The following ATP2B4 variants were observed in gnomAD, a reference collection of about 807,000 sequenced individuals.
The protein encoded by ATP2B4 is ATPase plasma membrane Ca2+ transporting 4.
ATP2B4 carries 39 observed loss-of-function variants against 110.3 expected under a neutral mutation model. The ratio of observed to expected loss-of-function variants is 0.35; its 90% CI spans 0.27 to 0.46. The LOEUF (loss-of-function observed/expected upper bound fraction) is 0.46. Among genes scored for constraint, ATP2B4 ranks in the 20% least tolerant of loss-of-function variants. The probability of loss-of-function intolerance (pLI) is 1.00; values close to 1 mark genes in which losing one functional copy is unlikely to be tolerated. For synonymous variants in ATP2B4, 538 were observed against 571.7 expected (o/e 0.94, Z 0.84); for missense variants, 1,135 against 1,530.9 (o/e 0.74, Z 4.32).
chr1:203,681,933 T>A (rs374006102), intron 1 of ATP2B4, among the ~76,000 whole-genome samples: 6 of 147,008 alleles, frequency 4.1e-5, no homozygotes, highest in Non-Finnish European at 3.0e-5. Context: ...TCCCCTTTAC[T>A]AGAAAAAAAA....
At chr1:203,669,424 G>T (rs4951334) in intron 1 of ATP2B4, among the ~76,000 whole-genome samples, 147,465 of 152,040 alleles carry the variant, frequency 0.97, 71,686 homozygotes, top group Middle Eastern at 1. Flanking sequence ...GACTTTTTTT[G>T]GTTGTTGTTT....
rs374052416 is a variant in ATP2B4, at chr1:203,707,963, G to T, written c.1416G>T (p.Met472Ile). The T allele has an allele frequency of 9.9e-6, 16 of 1,614,060 alleles. No homozygotes were observed. Among genetic ancestry groups the T allele is most frequent in the Non-Finnish European group, 1.4e-5 (16 of 1,180,042 alleles). ...CTGATAAGACAGGCACGTTGACCAT[G>T]AACCGCATGACTGTGGTACAAGCTT... ...ICSDKTGTLT[M>I]NRMTVVQAYI... The change falls in exon 10 of 21, where the codon ATG becomes ATT. Residue 472 changes from methionine (M) to isoleucine (I), a missense_variant. Coordinates refer to ENST00000357681, the MANE Select transcript of ATP2B4 (RefSeq NM_001684.5).
intron 1 of ATP2B4, among the ~76,000 whole-genome samples, chr1:203,678,158 C>T (rs765628576): frequency 6.6e-5 from 10 of 152,164 alleles, no homozygotes; most frequent in Non-Finnish European, 1.0e-4. Flanking sequence ...CATTTAGTAG[C>T]GGGGAGACTC....
chr1:203,705,485 A>G (rs1028067820), intron 8 of ATP2B4, among the ~76,000 whole-genome samples: 10 of 152,096 alleles, frequency 6.6e-5, no homozygotes, highest in Non-Finnish European at 1.3e-4. Flanking sequence ...TGCAACCTCC[A>G]CCTCCGGGGT....
At chr1:203,724,630 G>A (rs1056455853) in intron 19 of ATP2B4, among the ~76,000 whole-genome samples, 4 of 152,080 alleles carry the variant, frequency 2.6e-5, no homozygotes, top group African/African-American at 9.7e-5. Flanking sequence ...AAGTAGAAGA[G>A]TTTACAAGAC....
chr1:203,634,612 G>A (rs752052585), intron 1 of ATP2B4, among the ~76,000 whole-genome samples: 14 of 152,162 alleles, frequency 9.2e-5, no homozygotes, highest in Non-Finnish European at 7.3e-5. Flanking sequence ...AGTTTGGGCT[G>A]CTAAAACAAC....
intron 18 of ATP2B4, among the ~76,000 whole-genome samples, chr1:203,723,426 C>T (rs1433467425): frequency 1.8e-5 from 2 of 114,054 alleles, no homozygotes; most frequent in African/African-American, 3.5e-5. Flanking sequence ...AGATATCTCT[C>T]TCTCTCTCTC....
At position 203,683,266 on chromosome 1, in the gene ATP2B4, G is replaced by A. The variant is rs1030977850; in HGVS notation, c.61G>A (p.Asp21Asn). ...CTCGATGGCCGAGAGCCGTGAAGGGGACTTTGGCTGCACAGTAATGGAACT... is the reference window on the plus strand; with the variant it reads ...CTCGATGGCCGAGAGCCGTGAAGGGAACTTTGGCTGCACAGTAATGGAACT... ...ANSMAESREG[D>N]FGCTVMELRK... The change falls in exon 2 of 21, where the codon GAC becomes AAC. Residue 21 changes from aspartate to asparagine, a missense_variant. By Grantham distance (23) the Asp-to-Asn change is conservative. This residue lies in a region of ATP2B4 where 122 missense variants were observed against 125.2 expected (regional missense o/e 0.97). Coordinates refer to ENST00000357681, the MANE Select transcript of ATP2B4 (RefSeq NM_001684.5). 8.7e-6 allele frequency: 14 copies of A among 1,614,196 alleles called. No homozygotes were observed. Among genetic ancestry groups the A allele is most frequent in the Non-Finnish European group, 1.2e-5 (14 of 1,180,042 alleles).
At chr1:203,682,575 T>C (rs2102360954) in intron 1 of ATP2B4, among the ~76,000 whole-genome samples, 167 bp from the exon 2 acceptor site, 1 of 129,538 alleles carries the variant, frequency 7.7e-6, no homozygotes, top group South Asian at 2.8e-4. Flanking sequence ...AACGGGCCTC[T>C]CTTGAGTCAG....
At chr1:203,667,011 G>A (rs993710336) in intron 1 of ATP2B4, among the ~76,000 whole-genome samples, 3 of 152,122 alleles carry the variant, frequency 2.0e-5, no homozygotes, top group Non-Finnish European at 4.4e-5. Flanking sequence ...GAGTACAGTG[G>A]TGCCATCTCC....
intron 3 of ATP2B4, 98 bp from the exon 4 acceptor site, chr1:203,699,362 C>T: frequency 6.6e-7 from 1 of 1,510,550 alleles, no homozygotes; most frequent in Non-Finnish European, 9.0e-7. Context: ...TTCACTTTTC[C>T]TGACTTTCTA....
intron 19 of ATP2B4, among the ~76,000 whole-genome samples, chr1:203,727,170 T>G: frequency 6.6e-6 from 1 of 152,150 alleles, no homozygotes; most frequent in Non-Finnish European, 1.5e-5. Flanking sequence ...AAGCTCTCTT[T>G]TGTGTGTGTC....
rs1390685232 is a variant in ATP2B4 at position 203,699,460 on chromosome 1, T to C, written c.392T>C (p.Leu131Pro). The C allele has an allele frequency of 1.9e-6, 3 of 1,614,082 alleles. No homozygotes were observed. The highest frequency in any genetic ancestry group is 1.3e-5 in the African/African-American group (1 of 75,014). ...CTATTTCTCTCCCTTCCTGGGATAG[T>C]GTGTGGTCAAGTCGCAACTACCCCA... ...FYRPAGEENE[L>P]CGQVATTPED... Residue 131 changes from leucine (L) to proline (P), a missense_variant and splice_region_variant, in exon 4 of 21, where the codon CTG becomes CCG. Transcript: ENST00000357681.
chr1:203,710,633 A>G (rs1665978781), intron 11 of ATP2B4, among the ~76,000 whole-genome samples: 1 of 152,262 alleles, frequency 6.6e-6, no homozygotes, highest in Non-Finnish European at 1.5e-5. Context: ...TTGCATTCAC[A>G]TATGGGTAAG....
chr1:203,721,450 T>C (rs1666320278), intron 17 of ATP2B4, 40 bp downstream of exon 17: 1 of 1,593,722 alleles, frequency 6.3e-7, no homozygotes, highest in East Asian at 2.2e-5. Context: ...GGGGTCCTGG[T>C]TGGAGGTGGG....
At chr1:203,698,474 G>A in intron 3 of ATP2B4, 120 bp downstream of exon 3, 2 of 1,116,918 alleles carry the variant, frequency 1.8e-6, no homozygotes, top group Non-Finnish European at 1.3e-6. Context: ...ATTATCCAGA[G>A]TGGGCTTTCC....
At chr1:203,691,510 A>G (rs564902232) in intron 2 of ATP2B4, among the ~76,000 whole-genome samples, 60 of 152,262 alleles carry the variant, frequency 3.9e-4, no homozygotes, top group African/African-American at 1.4e-3. Context: ...TGCTGTTTTC[A>G]AAAAAAGGCC....
chr1:203,671,620 C>G (rs1177737023), intron 1 of ATP2B4, among the ~76,000 whole-genome samples: 1 of 152,160 alleles, frequency 6.6e-6, no homozygotes, highest in Non-Finnish European at 1.5e-5. Flanking sequence ...AAACCTTTCC[C>G]ACGTCTCTGG....
At chr1:203,684,686 A>G (rs1464952332) in intron 2 of ATP2B4, among the ~76,000 whole-genome samples, 1 of 151,232 alleles carries the variant, frequency 6.6e-6, no homozygotes, top group African/African-American at 2.4e-5. Context: ...AATAAAAAGA[A>G]AAAAAAAAGG....
Sources: gnomAD v4.1 joint callset for allele counts (sites outside exome capture counted in the v4.1 genomes callset) on GRCh38, gnomAD v4.1.1 for gene constraint, gnomAD v4.1.1 regional missense constraint, MANE v1.5 for transcripts, NCBI Gene and HGNC (gene_info 2026-07-23, HGNC 2026-07-21) for gene names.